Variants in KHDRBS2 observed in about 807,000 individuals in gnomAD.
KHDRBS2 encodes the protein KH RNA binding domain containing, signal transduction associated 2.
In KHDRBS2, 26 loss-of-function variants were observed where a neutral mutation model predicts 44.3. The ratio of observed to expected loss-of-function variants is 0.59; its 90% CI spans 0.43 to 0.81. The LOEUF is 0.81. KHDRBS2 is among the 40% of genes least tolerant of loss of function. KHDRBS2 has a pLI of 0.00. For missense variants in KHDRBS2, 476 were observed against 433.1 expected (o/e 1.10, Z -0.88); for synonymous variants, 194 against 151.1 (o/e 1.28, Z -2.08).
the KHDRBS2 span, among the ~76,000 whole-genome samples, chr6:61,547,699 G>A: frequency 6.6e-6 from 1 of 152,118 alleles, no homozygotes; most frequent in Admixed American, 6.6e-5. Context: ...AGTGTCTCTA[G>A]GAGAGGATGC....
chr6:62,041,101 C>A (rs1406223231), intron 3 of KHDRBS2, among the ~76,000 whole-genome samples: 1 of 152,014 alleles, frequency 6.6e-6, no homozygotes, highest in East Asian at 1.9e-4. Context: ...GAGGCTGAGG[C>A]GGGCAGATCA....
At chr6:62,225,077 G>C (rs921382293) in intron 1 of KHDRBS2, among the ~76,000 whole-genome samples, 4 of 152,068 alleles carry the variant, frequency 2.6e-5, no homozygotes, top group Non-Finnish European at 5.9e-5. Context: ...AACTGAGGAA[G>C]GTGCTACCAG....
In KHDRBS2 at chr6:61,804,954, T is replaced by C. The variant is rs116049553; in HGVS notation, c.811-72190A>G. Reference sequence around the variant, plus strand: ...TTAACATTTGGCTCCTCATCCCATATACAAATTTCTGAAGCTGCCTTAAAT... The same window carrying C: ...TTAACATTTGGCTCCTCATCCCATACACAAATTTCTGAAGCTGCCTTAAAT... On this transcript the variant is annotated intron_variant, in intron 6 of 8. Transcript: ENST00000281156. Among the ~76,000 whole-genome samples the C allele has an allele frequency of 2.1e-3, 326 of 152,332 alleles. 3 individuals are homozygous for C. Among genetic ancestry groups the C allele is most frequent in the African/African-American group, 7.6e-3 (315 of 41,582 alleles).
intron 7 of KHDRBS2, among the ~76,000 whole-genome samples, chr6:61,718,653 C>T (rs1481890823): frequency 1.3e-5 from 2 of 152,000 alleles, no homozygotes; most frequent in Non-Finnish European, 2.9e-5. Flanking sequence ...ATAGAAACTC[C>T]CTGTACTTCC....
the KHDRBS2 span, among the ~76,000 whole-genome samples, chr6:61,643,893 C>A: frequency 3.3e-5 from 5 of 152,226 alleles, no homozygotes; most frequent in South Asian, 1.0e-3. Context: ...AAGCAATTTA[C>A]AGATTCAATG....
At chr6:62,085,131 T>C (rs1451023384) in intron 2 of KHDRBS2, among the ~76,000 whole-genome samples, 2 of 152,164 alleles carry the variant, frequency 1.3e-5, no homozygotes. Flanking sequence ...CATTCTGATA[T>C]TAAGAACTGA....
At chr6:61,932,577 G>A (rs966075019) in intron 4 of KHDRBS2, among the ~76,000 whole-genome samples, 19 of 152,140 alleles carry the variant, frequency 1.2e-4, no homozygotes, top group Non-Finnish European at 2.6e-4. Context: ...GAGGCAGGCG[G>A]ATCACGAGGT....
the KHDRBS2 span, among the ~76,000 whole-genome samples, chr6:61,645,872 G>T: frequency 6.6e-6 from 1 of 152,108 alleles, no homozygotes; most frequent in Non-Finnish European, 1.5e-5. Flanking sequence ...ACAACAGTTA[G>T]GCTGATGATT....
chr6:61,875,647 A>G (rs1432795459), intron 6 of KHDRBS2, among the ~76,000 whole-genome samples: 1 of 152,118 alleles, frequency 6.6e-6, no homozygotes, highest in Non-Finnish European at 1.5e-5. Context: ...CTATCCTTCT[A>G]TTGAATTGTG....
chr6:62,031,107 C>A (rs1416130527), intron 3 of KHDRBS2, among the ~76,000 whole-genome samples: 1 of 152,182 alleles, frequency 6.6e-6, no homozygotes, highest in East Asian at 1.9e-4. Context: ...GATTAGAGCT[C>A]ACCAGGGACC....
At position 62,104,333 on chromosome 6, in the gene KHDRBS2, G is replaced by A. The variant is rs116858593; in HGVS notation, c.220-56339C>T. ...ATACTTTAAGTTTTAGGGTACATGT[G>A]CACATTGTGCAGGTTAGTTACATAT... On this transcript the variant is annotated intron_variant, in intron 2 of 8. Coordinates refer to ENST00000281156, the MANE Select transcript of KHDRBS2 (RefSeq NM_152688.4). 2.0e-5 allele frequency among the ~76,000 whole-genome samples: 3 copies of A among 151,746 alleles called. No homozygotes were observed. In the East Asian group the frequency reaches 5.8e-4, roughly 29 times the overall value.
intron 1 of KHDRBS2, among the ~76,000 whole-genome samples, chr6:62,270,482 A>G (rs956076188): frequency 2.6e-5 from 4 of 151,724 alleles, no homozygotes; most frequent in African/African-American, 9.7e-5. Context: ...AAATAAACCT[A>G]TTTTCTTTAT....
chr6:61,575,884 A>G, the KHDRBS2 span, among the ~76,000 whole-genome samples: 1 of 152,174 alleles, frequency 6.6e-6, no homozygotes, highest in Non-Finnish European at 1.5e-5. Flanking sequence ...GTTCTCACTT[A>G]TAATTGGGAG....
chr6:61,919,069 G>A (rs1193962820), intron 4 of KHDRBS2, among the ~76,000 whole-genome samples: 1 of 151,744 alleles, frequency 6.6e-6, no homozygotes, highest in African/African-American at 2.4e-5. Flanking sequence ...CAACTATATG[G>A]CGAGCTTCTA....
At chr6:62,106,693 A>G (rs1447518992) in intron 2 of KHDRBS2, among the ~76,000 whole-genome samples, 1 of 152,320 alleles carries the variant, frequency 6.6e-6, no homozygotes, top group East Asian at 1.9e-4. Flanking sequence ...AAAATCCTCA[A>G]TAAAATACTG....
chr6:61,714,697 A>T (rs1582334106), intron 7 of KHDRBS2, among the ~76,000 whole-genome samples: 1 of 151,944 alleles, frequency 6.6e-6, no homozygotes, highest in East Asian at 1.9e-4. Context: ...ATATGTACAC[A>T]ATGGAATACT....
intron 2 of KHDRBS2, among the ~76,000 whole-genome samples, chr6:62,068,520 TCTAA>T (rs1794272614): frequency 6.6e-6 from 1 of 151,518 alleles, no homozygotes; most frequent in Non-Finnish European, 1.5e-5. Context: ...ATTTTAATAG[TCTAA>T]CTTTTTTTTA....
At chr6:62,122,136 T>C (rs1172935486) in intron 2 of KHDRBS2, among the ~76,000 whole-genome samples, 1 of 152,168 alleles carries the variant, frequency 6.6e-6, no homozygotes. Flanking sequence ...TGCAAGCTGC[T>C]CTGCCACTTG....
chr6:62,122,091 A>G (rs924923335), intron 2 of KHDRBS2, among the ~76,000 whole-genome samples: 1 of 152,114 alleles, frequency 6.6e-6, no homozygotes, highest in African/African-American at 2.4e-5. Flanking sequence ...GGGGTCCAGA[A>G]CAGAAGAAGG....
Sources: allele counts gnomAD v4.1 joint callset (sites outside exome capture counted in the v4.1 genomes callset), GRCh38; gene constraint gnomAD v4.1.1; transcripts MANE v1.5; gene names NCBI Gene and HGNC (gene_info 2026-07-23, HGNC 2026-07-21).